MYLK4: variants seen among roughly 807,000 people sequenced by gnomAD.
The protein encoded by MYLK4 is caMLCK like.
Under a neutral mutation model 48.1 loss-of-function variants are expected in MYLK4, and 46 were observed. The observed-to-expected ratio is 0.96, with a 90% CI of 0.75 to 1.22. The LOEUF is 1.22. Among genes scored for constraint, MYLK4 ranks in the 50% most tolerant of loss-of-function variants. The pLI is 0.00. For missense variants in MYLK4, 451 were observed against 486.1 expected, an observed-to-expected ratio of 0.93 and a Z score of 0.68; for synonymous variants, 170 against 180.8, an observed-to-expected ratio of 0.94 and a Z score of 0.48.
In MYLK4 at chr6:2,682,797, G is replaced by A. The variant is rs1034831810; in HGVS notation, c.687+224C>T. Among the ~76,000 whole-genome samples, 4 of 152,088 alleles carry A rather than the reference G, an allele frequency of 2.6e-5. No individual in the cohort carries two copies. In the South Asian group the frequency reaches 6.2e-4, roughly 24 times the overall value. ...CCATTGCCATATAGATTTCCTTAAC[G>A]CAGGCAAGTTACAAGAATCTGAATA... On this transcript the variant is annotated intron_variant, in intron 7 of 12. Coordinates refer to ENST00000274643, the MANE Select transcript of MYLK4 (RefSeq NM_001012418.5).
At chr6:2,689,589 A>G (rs572267842) in intron 3 of MYLK4, among the ~76,000 whole-genome samples, 20 of 152,326 alleles carry the variant, frequency 1.3e-4, no homozygotes, top group African/African-American at 4.6e-4. Context: ...TAAGTGTTTA[A>G]ACGCTCGTCC....
intron 2 of MYLK4, among the ~76,000 whole-genome samples, chr6:2,738,736 CA>C (rs1763788477): frequency 6.6e-6 from 1 of 152,128 alleles, no homozygotes; most frequent in East Asian, 1.9e-4. Flanking sequence ...GATCATGTGG[CA>C]AAAAACTGTC....
intron 7 of MYLK4, among the ~76,000 whole-genome samples, chr6:2,681,708 T>A (rs1207261136): frequency 3.3e-5 from 5 of 152,200 alleles, no homozygotes; most frequent in Non-Finnish European, 7.3e-5. Flanking sequence ...TCCAAGGAGC[T>A]TTCAGAAAAG....
In MYLK4 at chr6:2,685,524, G is replaced by A; in HGVS notation, c.394C>T (p.Leu132=). 1 of 1,614,166 alleles carries A rather than the reference G, an allele frequency of 6.2e-7. No homozygotes were observed. Among genetic ancestry groups the A allele is most frequent in the Non-Finnish European group, 8.5e-7 (1 of 1,180,038 alleles). The change falls in exon 5 of 13, where the codon CTG becomes TTG. Residue 132 remains leucine, a synonymous_variant. Transcript: ENST00000274643. This position sits in a 1 kb window ranked among gnomAD's most constrained non-coding sequence, Gnocchi z 4.5. ...CTGGTCTTGATGATTTTGGCTGCCA[G>A]CTTCAGACCTGTGGCCGTCTCCTCA... The part of the protein sequence containing the change: ...KCEETATGLK[L]AAKIIKTRGM...
chr6:2,720,821 A>G (rs1426398425), intron 2 of MYLK4, among the ~76,000 whole-genome samples: 2 of 152,172 alleles, frequency 1.3e-5, no homozygotes, highest in African/African-American at 4.8e-5. Context: ...GGACTAGACT[A>G]AGAGATCTAA....
chr6:2,759,590 T>C, the MYLK4 span, among the ~76,000 whole-genome samples: 2 of 152,342 alleles, frequency 1.3e-5, no homozygotes, highest in South Asian at 2.1e-4. Flanking sequence ...TCCCTTTCTG[T>C]TCCTTGTATT....
upstream of MYLK4, among the ~76,000 whole-genome samples, chr6:2,755,650 T>C (rs543313188): frequency 1.8e-4 from 27 of 152,324 alleles, no homozygotes; most frequent in African/African-American, 6.5e-4. Context: ...GTGATCCTCC[T>C]GCCTCAGCCC....
intron 2 of MYLK4, among the ~76,000 whole-genome samples, chr6:2,732,597 G>A (rs74592687): frequency 0.061 from 9,258 of 151,784 alleles, 375 homozygotes; most frequent in Non-Finnish European, 0.093. Flanking sequence ...AGAGTTTATC[G>A]GCCAGCTCTG....
At chr6:2,765,804 C>T in the MYLK4 span, 4 of 1,370,064 alleles carry the variant, frequency 2.9e-6, no homozygotes, top group South Asian at 5.1e-5. Context: ...GGGGAGCGGG[C>T]CAAGGGGCCC....
At chr6:2,688,039 T>G (rs1315265128) in intron 4 of MYLK4, among the ~76,000 whole-genome samples, 8 of 151,400 alleles carry the variant, frequency 5.3e-5, no homozygotes, top group Admixed American at 4.6e-4. Flanking sequence ...TTAATTTTCC[T>G]TCTGGTTTTT....
At chr6:2,712,630 A>G (rs1762714873) in intron 2 of MYLK4, among the ~76,000 whole-genome samples, 1 of 152,212 alleles carries the variant, frequency 6.6e-6, no homozygotes, top group South Asian at 2.1e-4. Context: ...CAGAACCTCC[A>G]ACGATTTTGA....
chr6:2,765,044 G>A, the MYLK4 span, among the ~76,000 whole-genome samples: 1 of 152,098 alleles, frequency 6.6e-6, no homozygotes, highest in Admixed American at 6.5e-5. Flanking sequence ...ACGGAAGGCC[G>A]GGAAAGCGGC....
chr6:2,707,184 T>C (rs1193160113), intron 2 of MYLK4, among the ~76,000 whole-genome samples: 3 of 152,136 alleles, frequency 2.0e-5, no homozygotes, highest in Non-Finnish European at 4.4e-5. Flanking sequence ...CTGCAGAAAA[T>C]AGATCTAAAC....
chr6:2,740,792 T>G (rs1763874280), intron 2 of MYLK4, among the ~76,000 whole-genome samples: 1 of 152,244 alleles, frequency 6.6e-6, no homozygotes, highest in Non-Finnish European at 1.5e-5. Context: ...CGATCAGTCT[T>G]CTCCATGTCT....
At chr6:2,736,987 G>C (rs1323673333) in intron 2 of MYLK4, among the ~76,000 whole-genome samples, 1 of 152,234 alleles carries the variant, frequency 6.6e-6, no homozygotes, top group Non-Finnish European at 1.5e-5. Context: ...CAATAAAATA[G>C]TCTCTGCCTT....
chr6:2,762,442 G>A, the MYLK4 span, among the ~76,000 whole-genome samples: 1 of 152,176 alleles, frequency 6.6e-6, no homozygotes, highest in African/African-American at 2.4e-5. Flanking sequence ...TATATTAAGA[G>A]ATTCAAGAAA....
chr6:2,746,151 C>T lies in MYLK4; in HGVS notation c.159+2985G>A, dbSNP rs188172573. The stretch of plus-strand genomic sequence containing the variant: ...GCGTGGTTGCGTGCGCCTGTAATCC[C>T]GGCTACTCAGGAGGCTAAGGCAGGA... On this transcript the variant is annotated intron_variant, in intron 2 of 12. Coordinates refer to ENST00000274643, the MANE Select transcript of MYLK4 (RefSeq NM_001012418.5). Among the ~76,000 whole-genome samples the T allele has an allele frequency of 3.5e-3, 526 of 151,650 alleles. 5 individuals are homozygous for T. The highest frequency in any genetic ancestry group is 0.012 in the African/African-American group (504 of 41,366).
the MYLK4 span, among the ~76,000 whole-genome samples, chr6:2,767,581 G>A: frequency 6.6e-6 from 1 of 152,226 alleles, no homozygotes; most frequent in Non-Finnish European, 1.5e-5. Context: ...TTATGATGAT[G>A]GTGGTCGAGT....
the MYLK4 span, among the ~76,000 whole-genome samples, chr6:2,769,515 T>C: frequency 6.6e-6 from 1 of 152,298 alleles, no homozygotes; most frequent in Non-Finnish European, 1.5e-5. Context: ...TTTTTTTTTG[T>C]AACTTTTTAA....
Sources: allele counts gnomAD v4.1 joint callset (sites outside exome capture counted in the v4.1 genomes callset), GRCh38; gene constraint gnomAD v4.1.1; non-coding constraint Gnocchi (gnomAD v3.1); transcripts MANE v1.5; gene names NCBI Gene and HGNC (gene_info 2026-07-23, HGNC 2026-07-21).